SPATS1: variants seen among roughly 807,000 people sequenced by gnomAD.
The protein encoded by SPATS1 is spermatogenesis-associated serine-rich protein 1.
In SPATS1, 23 loss-of-function variants were observed where a neutral mutation model predicts 33.6. The ratio of observed to expected loss-of-function variants is 0.68; its 90% CI spans 0.49 to 0.97. SPATS1 has a LOEUF of 0.97. Ranked by LOEUF, SPATS1 falls within the 50% of genes least tolerant of loss-of-function variation. SPATS1 has a pLI of 0.00. For missense variants in SPATS1, 327 were observed against 361.0 expected (o/e 0.91, Z 0.76); for synonymous variants, 131 against 125.6 (o/e 1.04, Z -0.29).
chr6:44,346,641 C>T (rs1245038382), intron 2 of SPATS1, among the ~76,000 whole-genome samples: 1 of 152,192 alleles, frequency 6.6e-6, no homozygotes, highest in Admixed American at 6.5e-5. Flanking sequence ...GCCGCAGCCT[C>T]CCGAAGTGCT....
intron 3 of SPATS1, among the ~76,000 whole-genome samples, chr6:44,354,972 G>A (rs1329374088): frequency 6.6e-6 from 1 of 152,052 alleles, no homozygotes; most frequent in African/African-American, 2.4e-5. Context: ...GTGCAACCAT[G>A]CCCAACTAAT....
At chr6:44,353,952 G>A (rs758847186) in intron 3 of SPATS1, among the ~76,000 whole-genome samples, 11 of 151,314 alleles carry the variant, frequency 7.3e-5, no homozygotes, top group Non-Finnish European at 1.2e-4. Context: ...CAGGAGAATG[G>A]CGTGAACCTA....
Position 44,377,230 on chromosome 6 carries a change from A to G in SPATS1, c.*167A>G. ...ATTTTGAAAACTTTCACATTTACATAAAAGTTGCAAGAATTGTACAACAAA... is the reference window on the plus strand; with the variant it reads ...ATTTTGAAAACTTTCACATTTACATGAAAGTTGCAAGAATTGTACAACAAA... On this transcript the variant is annotated 3_prime_UTR_variant, in exon 9 of 9. Transcript: ENST00000674044. The G allele has an allele frequency of 1.4e-6, 1 of 736,382 alleles. No homozygotes were observed. The highest frequency in any genetic ancestry group is 2.7e-5 in the East Asian group (1 of 37,166). 45.6% of individuals were successfully genotyped at this position (736,382 alleles called of 1,614,324 possible).
intron 5 of SPATS1, among the ~76,000 whole-genome samples, chr6:44,368,002 G>C (rs1789351214): frequency 6.6e-6 from 1 of 152,206 alleles, no homozygotes; most frequent in Non-Finnish European, 1.5e-5. Context: ...AGGGACACTT[G>C]TTTCTTCGGC....
chr6:44,348,712 G>A (rs999338114), intron 2 of SPATS1, among the ~76,000 whole-genome samples: 10 of 152,172 alleles, frequency 6.6e-5, no homozygotes, highest in African/African-American at 2.2e-4. Flanking sequence ...ACTTTTGCGC[G>A]GTGGCTCACG....
chr6:44,350,076 G>T (rs1788144853), intron 2 of SPATS1, among the ~76,000 whole-genome samples: 2 of 152,170 alleles, frequency 1.3e-5, no homozygotes, highest in Admixed American at 6.5e-5. Flanking sequence ...ACCTCACTGT[G>T]CTGGGGGCTG....
intron 7 of SPATS1, among the ~76,000 whole-genome samples, chr6:44,373,995 A>G (rs1757104484): frequency 6.6e-6 from 1 of 152,382 alleles, no homozygotes; most frequent in African/African-American, 2.4e-5. Context: ...GAAAGCAAAT[A>G]TGGTACAATG....
chr6:44,347,539 C>A, intron 2 of SPATS1, among the ~76,000 whole-genome samples: 1 of 152,064 alleles, frequency 6.6e-6, no homozygotes, highest in East Asian at 1.9e-4. Context: ...TATTTGGTAT[C>A]TTCTTGGCAA....
chr6:44,355,883 G>A (rs1458916799), intron 3 of SPATS1, among the ~76,000 whole-genome samples: 1 of 152,196 alleles, frequency 6.6e-6, no homozygotes, highest in Non-Finnish European at 1.5e-5. Context: ...TTCACATCCT[G>A]TAGGATGGGG....
At chr6:44,354,041 A>AAC in intron 3 of SPATS1, among the ~76,000 whole-genome samples, 1 of 149,944 alleles carries the variant, frequency 6.7e-6, no homozygotes, top group East Asian at 2.0e-4. Flanking sequence ...TCGCCTCAAA[A>AAC]AAAAAAAAAA....
At chr6:44,345,076 C>T (rs1002308035) in intron 2 of SPATS1, among the ~76,000 whole-genome samples, 1 of 151,950 alleles carries the variant, frequency 6.6e-6, no homozygotes, top group Admixed American at 6.6e-5. Flanking sequence ...GTACTCTATG[C>T]AGTGGGAGCA....
intron 2 of SPATS1, among the ~76,000 whole-genome samples, chr6:44,345,983 C>T (rs754222578): frequency 1.2e-4 from 18 of 152,180 alleles, no homozygotes; most frequent in East Asian, 5.8e-4. Context: ...ATTTTAAATT[C>T]GGTTCTTCAA....
In SPATS1 at chr6:44,378,308, C is replaced by A. The variant is rs1583099732; in HGVS notation, c.*1245C>A. The A allele has an allele frequency of 6.6e-6, 1 of 151,776 alleles. No homozygotes were observed. Among genetic ancestry groups the A allele is most frequent in the Non-Finnish European group, 1.5e-5 (1 of 68,016 alleles). The allele number at this position is 151,776 out of a possible 1,614,324, so 9.4% of individuals were successfully genotyped here. On this transcript the variant is annotated 3_prime_UTR_variant, in exon 9 of 9. Coordinates refer to ENST00000674044, the MANE Select transcript of SPATS1 (RefSeq NM_001372081.1). ...CCAATCTCTTTCTCCACTAGGGAAC[C>A]CCCTTGGCTGGCTAATGAAGGCTGC...
At position 44,363,668 on chromosome 6, in the gene SPATS1, TTCCTTCCTTCCCTCCTTCCC is replaced by T. The variant is rs1789069760; in HGVS notation, c.574+1688_574+1707del. ...CTTCCTTCCTTCCCTCCTTCCCTCCTTCCTTCCTTCCCTCCTTCCCTCCTTCCTTCCTTCCCTCCTTCCTT... is the reference window on the plus strand; with the variant it reads ...CTTCCTTCCTTCCCTCCTTCCCTCCTTCCTTCCTTCCTTCCCTCCTTCCTT... On this transcript the variant is annotated intron_variant, in intron 5 of 8. Coordinates refer to ENST00000674044, the MANE Select transcript of SPATS1 (RefSeq NM_001372081.1). Among the ~76,000 whole-genome samples, 6 of 24,672 alleles carry T rather than the reference TTCCTTCCTTCCCTCCTTCCC, an allele frequency of 2.4e-4. 1 individual carries two copies. The highest frequency in any genetic ancestry group is 1.0e-3 in the Non-Finnish European group (6 of 5,830). 16.2% of individuals were successfully genotyped at this position (24,672 alleles called of 152,430 possible).
In SPATS1 at chr6:44,352,739, T is replaced by G. The variant is rs1248995808; in HGVS notation, c.153T>G (p.Ser51Arg). Residue 51 changes from serine to arginine, a missense_variant, in exon 3 of 9, where the codon AGT (serine) becomes AGG (arginine). Coordinates refer to ENST00000674044, the MANE Select transcript of SPATS1 (RefSeq NM_001372081.1). Reference sequence around the variant, plus strand: ...TCTGTGTTACAGGTGCTAATTGCAGTGATTTTCTGGAATCTAAGGGATGTT... The same window carrying G: ...TCTGTGTTACAGGTGCTAATTGCAGGGATTTTCTGGAATCTAAGGGATGTT... ...EVERTYSANC[S>R]DFLESKGCFA... The G allele has an allele frequency of 1.2e-6, 2 of 1,614,042 alleles. No individual in the cohort carries two copies. The highest frequency in any genetic ancestry group is 3.3e-5 in the Admixed American group (2 of 60,014).
intron 5 of SPATS1, 98 bp from the exon 6 acceptor site, chr6:44,368,281 C>A: frequency 8.4e-7 from 1 of 1,192,044 alleles, no homozygotes; most frequent in Non-Finnish European, 1.1e-6. Context: ...TAATAAAATA[C>A]TAAAATATCC....
At chr6:44,366,885 G>T (rs902985336) in intron 5 of SPATS1, among the ~76,000 whole-genome samples, 11 of 152,132 alleles carry the variant, frequency 7.2e-5, no homozygotes, top group Non-Finnish European at 1.3e-4. Context: ...GAAATAAACA[G>T]TTTATAAATG....
intron 3 of SPATS1, among the ~76,000 whole-genome samples, chr6:44,356,289 C>T (rs1381661407): frequency 2.0e-5 from 3 of 152,322 alleles, no homozygotes; most frequent in African/African-American, 7.2e-5. Context: ...ATAAGTCCAT[C>T]TCTTCTACTC....
chr6:44,376,967 G>A, intron 8 of SPATS1, 68 bp from the exon 9 acceptor site: 1 of 1,576,010 alleles, frequency 6.3e-7, no homozygotes, highest in Non-Finnish European at 8.7e-7. Context: ...TGGGGGTCGA[G>A]TGTATTGATT....
Sources: gnomAD v4.1 joint callset for allele counts (sites outside exome capture counted in the v4.1 genomes callset) on GRCh38, gnomAD v4.1.1 for gene constraint, MANE v1.5 for transcripts, NCBI Gene and HGNC (gene_info 2026-07-23, HGNC 2026-07-21) for gene names.